The following DLG2 variants were observed in gnomAD, a reference collection of about 807,000 sequenced individuals.
DLG2 encodes disks large homolog 2.
DLG2 carries 45 observed loss-of-function variants against 132.5 expected under a neutral mutation model. That is an observed-to-expected ratio of 0.34 (90% CI 0.27 to 0.44). The LOEUF (loss-of-function observed/expected upper bound fraction) is 0.44, where lower values mean the gene tolerates loss of function less well. DLG2 is among the 20% of genes least tolerant of loss of function. The probability of loss-of-function intolerance (pLI) is 1.00; values close to 1 mark genes in which losing one functional copy is unlikely to be tolerated. For synonymous variants in DLG2, 424 were observed against 419.6 expected, an observed-to-expected ratio of 1.01 and a Z score of -0.13; for missense variants, 1,045 against 1,196.9, an observed-to-expected ratio of 0.87 and a Z score of 1.87.
At chr11:84,293,969 T>C (rs2098049006) in intron 7 of DLG2, among the ~76,000 whole-genome samples, 1 of 152,318 alleles carries the variant, frequency 6.6e-6, no homozygotes, top group Admixed American at 6.5e-5. Flanking sequence ...CTTCCCTCCC[T>C]GGACCACGCA....
intron 7 of DLG2, among the ~76,000 whole-genome samples, chr11:84,481,512 A>T (rs1338489534): frequency 6.6e-6 from 1 of 152,156 alleles, no homozygotes; most frequent in Non-Finnish European, 1.5e-5. Flanking sequence ...ATATGAGGTA[A>T]TTCATGTGAA....
At chr11:84,991,686 A>G (rs759311202) in intron 6 of DLG2, among the ~76,000 whole-genome samples, 3 of 152,164 alleles carry the variant, frequency 2.0e-5, no homozygotes, top group Non-Finnish European at 2.9e-5. Flanking sequence ...TATCACTGTC[A>G]GTATCCTGGT....
chr11:83,854,809 TTTTTA>T (rs1414350262), intron 16 of DLG2, among the ~76,000 whole-genome samples: 1 of 151,998 alleles, frequency 6.6e-6, no homozygotes, highest in Non-Finnish European at 1.5e-5. Context: ...ATATGGACAG[TTTTTA>T]TTTTATTAAA....
chr11:85,586,794 C>G (rs2079001509), intron 3 of DLG2, among the ~76,000 whole-genome samples: 1 of 151,972 alleles, frequency 6.6e-6, no homozygotes, highest in Admixed American at 6.6e-5. Flanking sequence ...TTTAGATTGC[C>G]TATTTATGCT....
At chr11:83,941,459 A>G (rs944192789) in intron 14 of DLG2, among the ~76,000 whole-genome samples, 18 of 152,002 alleles carry the variant, frequency 1.2e-4, no homozygotes, top group Non-Finnish European at 1.9e-4. Flanking sequence ...GCAGGGTTGC[A>G]ATCTCAACTC....
intron 6 of DLG2, among the ~76,000 whole-genome samples, chr11:84,738,632 G>C (rs185013925): frequency 1.2e-4 from 18 of 152,252 alleles, no homozygotes; most frequent in African/African-American, 1.2e-4. Context: ...ACAATTCCAA[G>C]TGTTGATGAG....
chr11:83,767,489 A>G (rs2094194272), intron 18 of DLG2, among the ~76,000 whole-genome samples: 1 of 152,226 alleles, frequency 6.6e-6, no homozygotes, highest in South Asian at 2.1e-4. Flanking sequence ...AAAACAGGCT[A>G]TCATTTTACA....
At chr11:84,117,868 T>A (rs1470325299) in intron 9 of DLG2, among the ~76,000 whole-genome samples, 1 of 152,142 alleles carries the variant, frequency 6.6e-6, no homozygotes, top group African/African-American at 2.4e-5. Flanking sequence ...TATTTATTTA[T>A]TTTTGAGACA....
chr11:83,467,913 T>C (rs78701302), intron 25 of DLG2, among the ~76,000 whole-genome samples: 3,272 of 149,934 alleles, frequency 0.022, 107 homozygotes, highest in African/African-American at 0.075. Context: ...ATGAGGTATG[T>C]AAATTTCTTG....
chr11:85,413,884 CT>C (rs1369748313), intron 3 of DLG2, among the ~76,000 whole-genome samples: 1 of 151,840 alleles, frequency 6.6e-6, no homozygotes, highest in Non-Finnish European at 1.5e-5. Context: ...GCTATGCAGC[CT>C]CTTTTTTGGT....
intron 6 of DLG2, among the ~76,000 whole-genome samples, chr11:84,995,323 G>C (rs981861646): frequency 6.6e-6 from 1 of 152,138 alleles, no homozygotes; most frequent in Non-Finnish European, 1.5e-5. Flanking sequence ...TAGAATCCCA[G>C]CTCCACCACT....
At chr11:83,538,629 T>C (rs2095963811) in intron 20 of DLG2, among the ~76,000 whole-genome samples, 1 of 152,224 alleles carries the variant, frequency 6.6e-6, no homozygotes, top group Non-Finnish European at 1.5e-5. Context: ...ATCCTCAGTT[T>C]CCTTATGAGG....
intron 3 of DLG2, among the ~76,000 whole-genome samples, chr11:85,364,990 A>C (rs1191821005): frequency 1.3e-5 from 2 of 152,100 alleles, no homozygotes; most frequent in South Asian, 2.1e-4. Context: ...GCAAGAAAGA[A>C]TGCCAGTCAT....
intron 6 of DLG2, among the ~76,000 whole-genome samples, chr11:84,690,735 A>T (rs1210335358): frequency 6.6e-6 from 1 of 151,860 alleles, no homozygotes; most frequent in African/African-American, 2.4e-5. Context: ...ATATTCATTT[A>T]AGGAAGCTGT....
chr11:84,095,994 C>T (rs1433931657), intron 10 of DLG2, among the ~76,000 whole-genome samples: 1 of 152,146 alleles, frequency 6.6e-6, no homozygotes, highest in Non-Finnish European at 1.5e-5. Context: ...AGAAAAACAG[C>T]AAACTCTGTT....
intron 18 of DLG2, among the ~76,000 whole-genome samples, chr11:83,729,616 A>G (rs1467083568): frequency 6.6e-6 from 1 of 152,176 alleles, no homozygotes; most frequent in Non-Finnish European, 1.5e-5. Flanking sequence ...AGCCTTCACC[A>G]TTCTCTGTGA....
At chr11:84,555,112 A>G (rs2099409400) in intron 6 of DLG2, among the ~76,000 whole-genome samples, 1 of 152,142 alleles carries the variant, frequency 6.6e-6, no homozygotes, top group Non-Finnish European at 1.5e-5. Flanking sequence ...CCTAAGAAAA[A>G]TGGGAAGTCA....
chr11:83,868,864 C>T (rs877985), intron 16 of DLG2, among the ~76,000 whole-genome samples: 100,744 of 152,080 alleles, frequency 0.66, 33,571 homozygotes, highest in Middle Eastern at 0.82. Context: ...TGAGCATTCA[C>T]ACTGATTACA....
intron 6 of DLG2, among the ~76,000 whole-genome samples, chr11:84,552,141 A>G (rs1027037570): frequency 1.3e-5 from 2 of 152,174 alleles, no homozygotes; most frequent in Non-Finnish European, 2.9e-5. Flanking sequence ...GAATGGATCT[A>G]ATACAAGTTT....
Sources: gnomAD v4.1 joint callset for allele counts (sites outside exome capture counted in the v4.1 genomes callset) on GRCh38, gnomAD v4.1.1 for gene constraint, MANE v1.5 for transcripts, NCBI Gene and HGNC (gene_info 2026-07-23, HGNC 2026-07-21) for gene names.